Variants in MARK4 observed in about 807,000 individuals in gnomAD.
The protein encoded by MARK4 is microtubule affinity regulating kinase 4.
MARK4 carries 19 observed loss-of-function variants against 81.5 expected under a neutral mutation model. The observed-to-expected ratio is 0.23, with a 90% confidence interval of 0.16 to 0.34. MARK4 has a LOEUF of 0.34. Among genes scored for constraint, MARK4 ranks in the 10% least tolerant of loss-of-function variants. The pLI is 1.00. For missense variants in MARK4, 772 were observed against 1,058.8 expected (o/e 0.73, Z 3.76); for synonymous variants, 436 against 439.0 (o/e 0.99, Z 0.08).
At chr19:45,261,001 T>G (rs1353362705) in intron 2 of MARK4, among the ~76,000 whole-genome samples, 1 of 152,222 alleles carries the variant, frequency 6.6e-6, no homozygotes, top group Middle Eastern at 3.4e-3. Context: ...GGTGGGTGAT[T>G]TCATGATTTC....
chr19:45,286,015 T>C (rs1292652124), intron 12 of MARK4, among the ~76,000 whole-genome samples: 1 of 152,204 alleles, frequency 6.6e-6, no homozygotes, highest in Non-Finnish European at 1.5e-5. Flanking sequence ...TATCCCCAGC[T>C]CCCAGTTTCT....
At chr19:45,253,802 C>T (rs997738703) in intron 1 of MARK4, among the ~76,000 whole-genome samples, 17 of 152,166 alleles carry the variant, frequency 1.1e-4, no homozygotes, top group African/African-American at 3.6e-4. Flanking sequence ...TTTAATTGTT[C>T]AGATAAACTT....
At chr19:45,295,202 A>C (rs2123105312) in intron 14 of MARK4, among the ~76,000 whole-genome samples, 1 of 151,848 alleles carries the variant, frequency 6.6e-6, no homozygotes, top group South Asian at 2.1e-4. Flanking sequence ...ACCAAAAAAA[A>C]AAAAAAATTA....
intron 7 of MARK4, among the ~76,000 whole-genome samples, chr19:45,266,807 A>T (rs1005136996): frequency 7.1e-6 from 1 of 141,214 alleles, no homozygotes; most frequent in Non-Finnish European, 1.5e-5. Flanking sequence ...ATCTCCGCTC[A>T]CTGCAAGCTC....
chr19:45,277,885 G>A (rs753265583), intron 8 of MARK4, 38 bp from the exon 9 acceptor site: 46 of 1,590,116 alleles, frequency 2.9e-5, no homozygotes, highest in Admixed American at 2.3e-4. Flanking sequence ...GGTGGGGGGC[G>A]GGGCAGACCC....
At chr19:45,283,432 A>G (rs963691764) in intron 12 of MARK4, among the ~76,000 whole-genome samples, 2 of 149,028 alleles carry the variant, frequency 1.3e-5, no homozygotes, top group African/African-American at 2.5e-5. Context: ...AAAAAAAAAA[A>G]AAAATCAACT....
chr19:45,251,341 C>G lies in MARK4; in HGVS notation c.-248C>G, dbSNP rs1450746317. ...CCGGCTCCGCGCCCCCTCCGCGGCCCCCGCCCGCCCGCCTGCCCGCCGCCC... is the reference window on the plus strand; with the variant it reads ...CCGGCTCCGCGCCCCCTCCGCGGCCGCCGCCCGCCCGCCTGCCCGCCGCCC... On this transcript the variant is annotated 5_prime_UTR_variant, in exon 1 of 17. Coordinates refer to ENST00000262891, the MANE Select transcript of MARK4 (RefSeq NM_001199867.2). 1.3e-5 allele frequency: 2 copies of G among 148,784 alleles called. No homozygotes were observed. Among genetic ancestry groups the G allele is most frequent in the African/African-American group, 4.9e-5 (2 of 40,466 alleles). 9.2% of individuals were successfully genotyped at this position (148,784 alleles called of 1,614,324 possible).
intron 8 of MARK4, 52 bp from the exon 9 acceptor site, chr19:45,277,868 TGTA>T: frequency 3.7e-6 from 5 of 1,366,954 alleles, no homozygotes; most frequent in Non-Finnish European, 5.0e-6. Context: ...TGTGTGTGTG[TGTA>T]ATAGGTGGGG....
intron 13 of MARK4, among the ~76,000 whole-genome samples, chr19:45,288,953 A>G (rs1004867725): frequency 2.6e-5 from 4 of 151,284 alleles, no homozygotes; most frequent in Non-Finnish European, 5.9e-5. Context: ...TCTGCTCTGC[A>G]CATGTTCAGT....
chr19:45,264,639 G>A (rs2123040356), intron 4 of MARK4, 45 bp from the exon 5 acceptor site: 4 of 1,582,072 alleles, frequency 2.5e-6, no homozygotes, highest in Non-Finnish European at 3.5e-6. Context: ...AGGTTAGGAG[G>A]GGCCCTTTCT....
At chr19:45,252,261 C>G in intron 1 of MARK4, among the ~76,000 whole-genome samples, 1 of 152,138 alleles carries the variant, frequency 6.6e-6, no homozygotes, top group East Asian at 1.9e-4. Context: ...TCTCCCGTCC[C>G]AGGCCTGGTC....
At chr19:45,272,939 A>G (rs1032363775) in intron 8 of MARK4, among the ~76,000 whole-genome samples, 1 of 152,210 alleles carries the variant, frequency 6.6e-6, no homozygotes, top group Non-Finnish European at 1.5e-5. Flanking sequence ...AACTCCGTGC[A>G]TATACTAAAA....
chr19:45,260,389 CAAAAAA>C (rs35221473), intron 2 of MARK4, among the ~76,000 whole-genome samples: 1 of 110,918 alleles, frequency 9.0e-6, no homozygotes, highest in African/African-American at 3.7e-5. Flanking sequence ...GACTTTGTCT[CAAAAAA>C]AAAAAAAAAA....
chr19:45,263,132 A>T lies in MARK4; in HGVS notation c.272A>T (p.Asp91Val). 6.2e-7 allele frequency: 1 copy of T among 1,607,922 alleles called. No homozygotes were observed. Reference sequence around the variant, plus strand: ...CTCTAGGTTGCCATCAAGATTATCGACAAAACCCAGCTGAATCCCAGCAGC... The same window carrying T: ...CTCTAGGTTGCCATCAAGATTATCGTCAAAACCCAGCTGAATCCCAGCAGC... ...TGREVAIKII[D>V]KTQLNPSSLQ... Residue 91 changes from aspartate (D) to valine (V), a missense_variant, in exon 3 of 17, where the codon GAC (aspartate) becomes GTC (valine). By Grantham distance (152) the Asp-to-Val change is radical. Around this residue, in one of 3 missense-constraint regions of MARK4, gnomAD observed 115 missense variants for 139.8 expected, o/e 0.82. Transcript: ENST00000262891.
intron 12 of MARK4, among the ~76,000 whole-genome samples, chr19:45,281,234 A>G (rs1970670061): frequency 6.6e-6 from 1 of 151,564 alleles, no homozygotes; most frequent in African/African-American, 2.4e-5. Flanking sequence ...TTGTATTTTC[A>G]GTAGAGATGG....
intron 8 of MARK4, among the ~76,000 whole-genome samples, chr19:45,272,522 G>A (rs1970543300): frequency 6.6e-6 from 1 of 152,180 alleles, no homozygotes; most frequent in Non-Finnish European, 1.5e-5. Context: ...TGAGGCTGGG[G>A]GGGAGGAGCA....
At chr19:45,297,319 A>G (rs1970899578) in intron 14 of MARK4, among the ~76,000 whole-genome samples, 1 of 152,192 alleles carries the variant, frequency 6.6e-6, no homozygotes, top group Admixed American at 6.5e-5. Context: ...AGTGTTTGCC[A>G]AGTTGATTTG....
intron 12 of MARK4, among the ~76,000 whole-genome samples, chr19:45,282,056 T>A (rs1420681735): frequency 6.6e-6 from 1 of 151,846 alleles, no homozygotes; most frequent in African/African-American, 2.4e-5. Flanking sequence ...AAACCCTGTC[T>A]CTACTAAAAA....
chr19:45,256,745 A>C (rs1008509547), intron 1 of MARK4, among the ~76,000 whole-genome samples: 74 of 152,238 alleles, frequency 4.9e-4, no homozygotes, highest in African/African-American at 1.6e-3. Context: ...GCTTTTTCGC[A>C]CTTTGCCTTA....
Sources: allele counts gnomAD v4.1 joint callset (sites outside exome capture counted in the v4.1 genomes callset), GRCh38; gene constraint gnomAD v4.1.1; regional missense constraint gnomAD v4.1.1; transcripts MANE v1.5; gene names NCBI Gene and HGNC (gene_info 2026-07-23, HGNC 2026-07-21).